Variants in CASK observed in about 807,000 individuals in gnomAD.
CASK encodes the protein calcium/calmodulin dependent serine protein kinase.
A neutral mutation model predicts 82.9 loss-of-function variants in CASK; 4 were observed. The ratio of observed to expected loss-of-function variants is 0.05; its 90% CI spans 0.02 to 0.11. The LOEUF is 0.11. Among genes scored for constraint, CASK ranks in the 10% least tolerant of loss-of-function variants. The pLI is 1.00. For synonymous variants in CASK, 259 were observed against 253.5 expected (o/e 1.02, Z -0.20); for missense variants, 358 against 720.9 (o/e 0.50, Z 5.76).
chrX:41,852,616 G>A (rs961453099), intron 2 of CASK, among the ~76,000 whole-genome samples: 3 of 111,280 alleles, frequency 2.7e-5, no homozygotes, highest in African/African-American at 9.8e-5. Flanking sequence ...AGTCCTAACA[G>A]TACTGACCTT....
chrX:41,811,916 A>G (rs1400396202), intron 2 of CASK, among the ~76,000 whole-genome samples: 10 of 111,601 alleles, frequency 9.0e-5, no homozygotes, highest in Admixed American at 2.9e-4. Flanking sequence ...TATCACCACC[A>G]ATCCCACAGA....
At chrX:41,783,869 T>C (rs1308541981) in intron 3 of CASK, among the ~76,000 whole-genome samples, 1 of 111,956 alleles carries the variant, frequency 8.9e-6, no homozygotes, top group Non-Finnish European at 1.9e-5. Context: ...GGACATTGAT[T>C]ATGTTCTATC....
chrX:41,700,541 T>C (rs1462876626), intron 5 of CASK, among the ~76,000 whole-genome samples: 1 of 107,595 alleles, frequency 9.3e-6, no homozygotes, highest in Admixed American at 1.0e-4. Context: ...AAGCAGATCC[T>C]AGATGATATA....
At chrX:41,665,574 A>C in intron 6 of CASK, 122 bp from the exon 7 acceptor site, 1 of 517,171 alleles carries the variant, frequency 1.9e-6, no homozygotes, top group Non-Finnish European at 3.2e-6. Flanking sequence ...TACTCTCACC[A>C]CTCCTCCACC....
chrX:41,712,452 G>C (rs2067993527), intron 5 of CASK, among the ~76,000 whole-genome samples: 1 of 112,691 alleles, frequency 8.9e-6, no homozygotes, highest in Non-Finnish European at 1.9e-5. Flanking sequence ...GGACACTGAA[G>C]TACCTTTACG....
chrX:41,834,302 G>A (rs1488935725), intron 2 of CASK, among the ~76,000 whole-genome samples: 1 of 111,663 alleles, frequency 9.0e-6, no homozygotes, highest in East Asian at 2.8e-4. Flanking sequence ...ATAGTAAAAT[G>A]AGAGAAGAAA....
At chrX:41,644,693 T>C (rs1483244352) in intron 8 of CASK, among the ~76,000 whole-genome samples, 1 of 111,824 alleles carries the variant, frequency 8.9e-6, no homozygotes, top group African/African-American at 3.2e-5. Flanking sequence ...ATGGGAGAAA[T>C]ATCGCTGAAT....
rs745529665 is a variant in CASK, at chrX:41,597,070, T to C, written c.1156-7478A>G. On this transcript the variant is annotated intron_variant, in intron 12 of 26. Transcript: ENST00000378163. ...GTTTCATTTTTTATCATACTCATTA[T>C]ATCACATTATCTTCTGATTTCTTAG... Among the ~76,000 whole-genome samples the C allele has an allele frequency of 2.7e-5, 3 of 112,666 alleles. No homozygotes were observed. The East Asian group carries it at 8.3e-4, about 31-fold the overall frequency.
intron 3 of CASK, among the ~76,000 whole-genome samples, chrX:41,747,363 T>C (rs1048310974): frequency 8.9e-6 from 1 of 111,859 alleles, no homozygotes; most frequent in African/African-American, 3.3e-5. Context: ...AACGTGATCA[T>C]GCATCTTGGT....
intron 2 of CASK, among the ~76,000 whole-genome samples, chrX:41,836,428 T>G (rs2070928432): frequency 9.0e-6 from 1 of 111,244 alleles, no homozygotes; most frequent in Admixed American, 9.6e-5. Context: ...ACAAATACGT[T>G]TTTTAAATAC....
intron 5 of CASK, among the ~76,000 whole-genome samples, chrX:41,679,366 C>T (rs981350328): frequency 2.7e-5 from 3 of 111,403 alleles, no homozygotes; most frequent in Admixed American, 9.5e-5. Context: ...GACACAAAAC[C>T]GTAAGTATGT....
intron 3 of CASK, among the ~76,000 whole-genome samples, chrX:41,760,214 T>C: frequency 8.9e-6 from 1 of 112,386 alleles, no homozygotes; most frequent in African/African-American, 3.2e-5. Context: ...GTCCTCAGTG[T>C]ACTCACTAAT....
chrX:41,526,784 T>C (rs758749058), intron 25 of CASK, among the ~76,000 whole-genome samples: 1 of 112,329 alleles, frequency 8.9e-6, no homozygotes, highest in Admixed American at 9.4e-5. Context: ...CTCCTTTTTG[T>C]AGCTTTTTCT....
rs185815469 is a variant in CASK, at chrX:41,789,391, G to A, written c.173-2108C>T. On this transcript the variant is annotated intron_variant, in intron 2 of 26. Coordinates refer to ENST00000378163, the MANE Select transcript of CASK (RefSeq NM_001367721.1). ...TTAAGATTCTAATGAGAAGCTGGAT[G>A]TTTGGAGCCCAGCATGGCAGGGCTG... is the stretch of plus-strand genomic sequence containing the variant. Among the ~76,000 whole-genome samples the A allele has an allele frequency of 2.3e-4, 26 of 111,908 alleles. 1 individual carries two copies. The highest frequency in any genetic ancestry group is 3.8e-5 in the Non-Finnish European group (2 of 53,144).
chrX:41,671,081 G>C (rs2067191137), intron 6 of CASK, among the ~76,000 whole-genome samples: 2 of 111,938 alleles, frequency 1.8e-5, no homozygotes, highest in African/African-American at 6.5e-5. Flanking sequence ...TGTAAACCAG[G>C]AAGTGGCTAA....
At chrX:41,597,633 T>C (rs1057192888) in intron 12 of CASK, among the ~76,000 whole-genome samples, 2 of 112,205 alleles carry the variant, frequency 1.8e-5, no homozygotes, top group African/African-American at 6.5e-5. Context: ...GTCACATCTT[T>C]TCAGTGAACT....
At position 41,815,132 on chromosome X, in the gene CASK, C is replaced by T. The variant is rs750149381; in HGVS notation, c.173-27849G>A. 4.5e-5 allele frequency among the ~76,000 whole-genome samples: 5 copies of T among 111,496 alleles called. No individual in the cohort carries two copies. The South Asian group carries it at 1.9e-3, about 42-fold the overall frequency. ...GACTGAGGTATAAAAAAAGTCCCAACAATACTTTAATAATAATTTGTCCTT... is the reference window on the plus strand; with the variant it reads ...GACTGAGGTATAAAAAAAGTCCCAATAATACTTTAATAATAATTTGTCCTT... On this transcript the variant is annotated intron_variant, in intron 2 of 26. Transcript: ENST00000378163.
At chrX:41,658,846 G>T (rs1421149174) in intron 8 of CASK, among the ~76,000 whole-genome samples, 1 of 111,465 alleles carries the variant, frequency 9.0e-6, no homozygotes, top group Non-Finnish European at 1.9e-5. Flanking sequence ...GACCAGAGCT[G>T]TTTTAGTGGA....
intron 6 of CASK, among the ~76,000 whole-genome samples, chrX:41,668,992 T>A (rs1246208987): frequency 1.8e-5 from 2 of 111,706 alleles, no homozygotes; most frequent in Non-Finnish European, 3.8e-5. Flanking sequence ...CCCAAAGTGC[T>A]GGAATTAGAG....
Sources: gnomAD v4.1 joint callset for allele counts (sites outside exome capture counted in the v4.1 genomes callset) on GRCh38, gnomAD v4.1.1 for gene constraint, MANE v1.5 for transcripts, NCBI Gene and HGNC (gene_info 2026-07-23, HGNC 2026-07-21) for gene names.